TRIM36: variants seen among roughly 807,000 people sequenced by gnomAD.
TRIM36 encodes E3 ubiquitin-protein ligase TRIM36.
A neutral mutation model predicts 72.4 loss-of-function variants in TRIM36; 42 were observed. The ratio of observed to expected loss-of-function variants is 0.58; its 90% CI spans 0.45 to 0.75. TRIM36 has a LOEUF of 0.75. Ranked by LOEUF, TRIM36 falls within the 30% of genes least tolerant of loss-of-function variation. The pLI is 0.00. For synonymous variants in TRIM36, 315 were observed against 282.8 expected (o/e 1.11, Z -1.14); for missense variants, 913 against 857.1 (o/e 1.07, Z -0.81).
chr5:115,130,559 A>G (rs1273559360), intron 9 of TRIM36, 33 bp downstream of exon 9: 1 of 1,562,388 alleles, frequency 6.4e-7, no homozygotes, highest in Admixed American at 2.0e-5. Context: ...CTTTTAAAAA[A>G]TTATCAAGTT....
At chr5:115,141,113 T>C (rs115812611) in intron 5 of TRIM36, among the ~76,000 whole-genome samples, 166 bp downstream of exon 5, 1 of 152,172 alleles carries the variant, frequency 6.6e-6, no homozygotes, top group Non-Finnish European at 1.5e-5. Context: ...AACATTATAA[T>C]TCATTTTTTA....
intron 2 of TRIM36, among the ~76,000 whole-genome samples, chr5:115,147,649 A>G (rs1753668568): frequency 6.6e-6 from 1 of 152,018 alleles, no homozygotes; most frequent in African/African-American, 2.4e-5. Flanking sequence ...CATAGAATCC[A>G]TATTAAATCA....
chr5:115,164,282 C>A (rs145966115), intron 1 of TRIM36, among the ~76,000 whole-genome samples: 1 of 152,294 alleles, frequency 6.6e-6, no homozygotes, highest in African/African-American at 2.4e-5. Flanking sequence ...TTAAATGCGA[C>A]CATTCTTCAT....
chr5:115,158,342 A>T (rs1754295583), intron 2 of TRIM36, among the ~76,000 whole-genome samples: 1 of 152,224 alleles, frequency 6.6e-6, no homozygotes, highest in Admixed American at 6.5e-5. Context: ...AAGACTCTAA[A>T]AAATTTCAAA....
intron 2 of TRIM36, among the ~76,000 whole-genome samples, chr5:115,148,046 G>C (rs932328477): frequency 2.0e-5 from 3 of 152,166 alleles, no homozygotes; most frequent in Non-Finnish European, 4.4e-5. Flanking sequence ...GAAAAATTCA[G>C]TAGGGAAGAT....
chr5:115,170,292 C>T (rs1345896150), upstream of TRIM36, among the ~76,000 whole-genome samples: 2 of 152,144 alleles, frequency 1.3e-5, no homozygotes, highest in East Asian at 3.9e-4. Flanking sequence ...CCGGCTGCAG[C>T]CCTGGCCCCT....
chr5:115,158,810 T>G (rs1754324972), intron 2 of TRIM36, among the ~76,000 whole-genome samples: 1 of 152,224 alleles, frequency 6.6e-6, no homozygotes, highest in Admixed American at 6.5e-5. Flanking sequence ...ATTACTAAAT[T>G]TCAACACTTA....
At position 115,130,765 on chromosome 5, in the gene TRIM36, T is replaced by C; in HGVS notation, c.1623A>G (p.Gln541=). The change falls in exon 9 of 10, where the codon CAA becomes CAG. Residue 541 remains glutamine, a synonymous_variant. Coordinates refer to ENST00000513154, the MANE Select transcript of TRIM36 (RefSeq NM_001300759.2). The part of the protein sequence containing the change: ...FNLLLAAERI[Q]VGYYTSLDYI... The stretch of plus-strand genomic sequence containing the variant: ...AGTCTAAGCTTGTGTAATAACCCAC[T>C]TGGATGCGTTCTGCAGCAAGCAGAA... 3 of 1,614,122 alleles carry C rather than the reference T, an allele frequency of 1.9e-6. No individual in the cohort carries two copies. The highest frequency in any genetic ancestry group is 2.5e-6 in the Non-Finnish European group (3 of 1,180,028).
At chr5:115,127,805 TATTTA>T (rs1752434713) in intron 9 of TRIM36, among the ~76,000 whole-genome samples, 1 of 152,182 alleles carries the variant, frequency 6.6e-6, no homozygotes, top group South Asian at 2.1e-4. Context: ...TCCTTCTACT[TATTTA>T]AAAAAATGTT....
At chr5:115,160,857 T>C (rs569710770) in intron 2 of TRIM36, among the ~76,000 whole-genome samples, 3 of 152,056 alleles carry the variant, frequency 2.0e-5, no homozygotes, top group South Asian at 2.1e-4. Context: ...CTCAAATAAA[T>C]GTCTAAAGGA....
At chr5:115,160,664 C>A (rs1283137022) in intron 2 of TRIM36, among the ~76,000 whole-genome samples, 2 of 152,152 alleles carry the variant, frequency 1.3e-5, no homozygotes, top group African/African-American at 4.8e-5. Context: ...AAAGTGAGAC[C>A]TTCTTCTCCA....
At chr5:115,156,737 C>T (rs1754197175) in intron 2 of TRIM36, among the ~76,000 whole-genome samples, 1 of 152,116 alleles carries the variant, frequency 6.6e-6, no homozygotes, top group South Asian at 2.1e-4. Context: ...CTGAAAAAAC[C>T]ATTGTGGACT....
chr5:115,143,901 C>G (rs1753427697), intron 4 of TRIM36, among the ~76,000 whole-genome samples: 1 of 152,038 alleles, frequency 6.6e-6, no homozygotes. Context: ...GACAGAGTCT[C>G]ACTCTGTCAC....
chr5:115,126,791 A>G lies in TRIM36; in HGVS notation c.1863T>C (p.Phe621=). The G allele has an allele frequency of 6.2e-7, 1 of 1,614,162 alleles. No homozygotes were observed. The highest frequency in any genetic ancestry group is 1.3e-5 in the African/African-American group (1 of 75,050). The part of the protein sequence containing the change: ...EDACFDSSQP[F]TLVTIGMQKF... ...TCTGCATGCCTATAGTAACTAAGGT[A>G]AATGGTTGTGAAGAATCAAAACAGG... The change falls in exon 10 of 10, where the codon TTT becomes TTC. Residue 621 remains phenylalanine (F), a synonymous_variant. Coordinates refer to ENST00000513154, the MANE Select transcript of TRIM36 (RefSeq NM_001300759.2).
In TRIM36 at chr5:115,133,154, C is replaced by T. The variant is rs182048788; in HGVS notation, c.1498+706G>A. Among the ~76,000 whole-genome samples, 14 of 152,290 alleles carry T rather than the reference C, an allele frequency of 9.2e-5. 1 individual carries two copies. Among genetic ancestry groups the T allele is most frequent in the Admixed American group, 7.8e-4 (12 of 15,300 alleles). ...TGAGGCAGTGACTGAAAGGGGAAAA[C>T]GTTTTCCTGCTAACCAGGCTGAGCA... On this transcript the variant is annotated intron_variant, in intron 8 of 9. Transcript: ENST00000513154.
intron 2 of TRIM36, among the ~76,000 whole-genome samples, chr5:115,157,336 G>T (rs1416914621): frequency 6.6e-6 from 1 of 152,138 alleles, no homozygotes; most frequent in African/African-American, 2.4e-5. Context: ...GCTGGGGTGG[G>T]TGGATCACCT....
chr5:115,149,828 G>C (rs1457561238), intron 2 of TRIM36, among the ~76,000 whole-genome samples: 1 of 151,840 alleles, frequency 6.6e-6, no homozygotes, highest in African/African-American at 2.4e-5. Flanking sequence ...GCGCGATCTC[G>C]GCTCACTGCA....
chr5:115,130,707 T>G lies in TRIM36; in HGVS notation c.1681A>C (p.Lys561Gln). Residue 561 changes from lysine to glutamine, a missense_variant, in exon 9 of 10, where the codon AAA becomes CAA. Coordinates refer to ENST00000513154, the MANE Select transcript of TRIM36 (RefSeq NM_001300759.2). ...TCCACACGGAAGGCCCAGAAGTGTT[T>G]TCCTTTTGTAATGCCAGTATCTCCA... ...IIGDTGITKG[K>Q]HFWAFRVEPY... is the part of the protein sequence containing the mutation. The G allele has an allele frequency of 6.2e-7, 1 of 1,614,134 alleles. No individual in the cohort carries two copies. The highest frequency in any genetic ancestry group is 8.5e-7 in the Non-Finnish European group (1 of 1,180,026).
At chr5:115,166,143 C>CCAG in intron 1 of TRIM36, among the ~76,000 whole-genome samples, 3 of 152,182 alleles carry the variant, frequency 2.0e-5, no homozygotes, top group African/African-American at 7.2e-5. Flanking sequence ...CAGGTCCCTG[C>CCAG]TGAAACCCCA....
Sources: gnomAD v4.1 joint callset for allele counts (sites outside exome capture counted in the v4.1 genomes callset) on GRCh38, gnomAD v4.1.1 for gene constraint, MANE v1.5 for transcripts, NCBI Gene and HGNC (gene_info 2026-07-23, HGNC 2026-07-21) for gene names.